MROH1: variants seen among roughly 807,000 people sequenced by gnomAD.
The protein encoded by MROH1 is maestro heat like repeat family member 1.
A neutral mutation model predicts 116.5 loss-of-function variants in MROH1; 117 were observed. The observed-to-expected ratio is 1.00, with a 90% CI of 0.86 to 1.17. The LOEUF is 1.17. Ranked by LOEUF, MROH1 falls within the 50% of genes most tolerant of loss-of-function variation. The pLI, the probability that MROH1 is intolerant of heterozygous loss-of-function variation, is 0.00. For synonymous variants in MROH1, 921 were observed against 583.9 expected (o/e 1.58, Z -8.32); for missense variants, 1,873 against 1,338.5 (o/e 1.40, Z -6.23).
At chr8:144,218,152 T>G (rs929053871) in intron 12 of MROH1, among the ~76,000 whole-genome samples, 3 of 152,186 alleles carry the variant, frequency 2.0e-5, no homozygotes, top group Non-Finnish European at 4.4e-5. Context: ...TAGTGTGGTG[T>G]GTGCTTGGGC....
intron 8 of MROH1, 123 bp from the exon 9 acceptor site, chr8:144,191,592 C>T: frequency 7.6e-7 from 1 of 1,312,044 alleles, no homozygotes. Context: ...ACGTCCCAGC[C>T]CCCGTAGCAC....
In MROH1 at chr8:144,220,611, G is replaced by T; in HGVS notation, c.1153G>T (p.Glu385Ter). 1 of 1,575,256 alleles carries T rather than the reference G, an allele frequency of 6.3e-7. No homozygotes were observed. Among genetic ancestry groups the T allele is most frequent in the Non-Finnish European group, 8.6e-7 (1 of 1,160,298 alleles). ...TTTGTTTCTTGCAGCTGCTCAGATG[G>T]AAGATAAAAAGCCCTTTATCCTGTC... ...HVINSAAAQM[E>*]DKKPFILSSM... Residue 385 changes from glutamate to a stop codon, truncating the protein, a stop_gained, in exon 13 of 44, where the codon GAA becomes TAA. Transcript: ENST00000326134. LOFTEE classifies it high-confidence loss of function.
At chr8:144,208,008 C>T (rs1208220066) in intron 12 of MROH1, among the ~76,000 whole-genome samples, 2 of 148,732 alleles carry the variant, frequency 1.3e-5, no homozygotes, top group South Asian at 4.2e-4. Flanking sequence ...TGCAGTGGTG[C>T]GATCTCAGCT....
chr8:144,187,654 T>G (rs1235601441), intron 7 of MROH1, among the ~76,000 whole-genome samples: 1 of 152,216 alleles, frequency 6.6e-6, no homozygotes, highest in African/African-American at 2.4e-5. Context: ...TCATCACAGA[T>G]TCTGGTGAGC....
At chr8:144,176,960 C>T (rs1394997157) in intron 4 of MROH1, among the ~76,000 whole-genome samples, 1 of 152,168 alleles carries the variant, frequency 6.6e-6, no homozygotes, top group Non-Finnish European at 1.5e-5. Context: ...TGATTCCCCA[C>T]CTGCCTCACT....
intron 36 of MROH1, 121 bp from the exon 37 acceptor site, chr8:144,259,119 T>C (rs1163064239): frequency 1.6e-5 from 11 of 689,898 alleles, no homozygotes; most frequent in Middle Eastern, 3.7e-4. Flanking sequence ...CTCTGAAACA[T>C]AGAACTCCCA....
At chr8:144,184,185 A>G (rs1826368585) in intron 7 of MROH1, among the ~76,000 whole-genome samples, 1 of 152,220 alleles carries the variant, frequency 6.6e-6, no homozygotes, top group South Asian at 2.1e-4. Context: ...CCTTAAGCTG[A>G]GACGTTAGCC....
rs545903409 is a variant in MROH1, at chr8:144,231,970, G to A, written c.1339-6786G>A. On this transcript the variant is annotated intron_variant, in intron 14 of 43. Coordinates refer to ENST00000326134, the MANE Select transcript of MROH1 (RefSeq NM_032450.3). ...TTAATACATTCATATTATGTGTAGA[G>A]ATCAAATCCAGGTAACTGGGATAGC... Among the ~76,000 whole-genome samples, 357 of 151,968 alleles carry A rather than the reference G, an allele frequency of 2.3e-3. 2 individuals are homozygous for A. The highest frequency in any genetic ancestry group is 8.4e-3 in the African/African-American group (346 of 41,424).
rs1475696008 is a variant in MROH1, at chr8:144,179,959, TCC to T, written c.301-218_301-217del. ...CTCTGCTGCTCCTGCGTGTGGGGTC[TCC>T]TCAGCAGCCCCTCACCTCTCACCAG... On this transcript the variant is annotated intron_variant, in intron 5 of 43. Coordinates refer to ENST00000326134, the MANE Select transcript of MROH1 (RefSeq NM_032450.3). 3.2e-4 allele frequency among the ~76,000 whole-genome samples: 5 copies of T among 15,716 alleles called. No homozygotes were observed. In the East Asian group the frequency reaches 0.051, roughly 160 times the overall value. 10.3% of individuals were successfully genotyped at this position (15,716 alleles called of 152,430 possible).
rs771640075 is a variant in MROH1 at position 144,161,037 on chromosome 8, C to T, written c.-109C>T. ...ATTCGCAGCTTCTCCAGGCCACCTG[C>T]ATTCCTTGTCTCAGAGCCTCCCTCC... On this transcript the variant is annotated 5_prime_UTR_variant, in exon 2 of 44. Transcript: ENST00000326134. 1 of 152,816 alleles carries T rather than the reference C, an allele frequency of 6.5e-6. No homozygotes were observed. Among genetic ancestry groups the T allele is most frequent in the Non-Finnish European group, 1.5e-5 (1 of 68,164 alleles). The allele number at this position is 152,816 out of a possible 1,614,324, so 9.5% of individuals were successfully genotyped here. A position where few individuals can be genotyped will look rare whatever the true frequency, so the allele number is the denominator to read the frequency against.
At chr8:144,158,285 G>T (rs1818667334) in intron 1 of MROH1, among the ~76,000 whole-genome samples, 1 of 151,778 alleles carries the variant, frequency 6.6e-6, no homozygotes, top group South Asian at 2.1e-4. Flanking sequence ...GAGCCACCAC[G>T]CCTGGCCAAT....
intron 12 of MROH1, among the ~76,000 whole-genome samples, chr8:144,215,515 C>T (rs1266665756): frequency 1.3e-5 from 2 of 152,158 alleles, no homozygotes; most frequent in Non-Finnish European, 2.9e-5. Flanking sequence ...GCAGAATGCC[C>T]CTCCTCCCTA....
Position 144,250,230 on chromosome 8 carries a change from G to A in MROH1, c.3292G>A (p.Val1098Ile), listed in dbSNP as rs1842632255. ...TCTACAGGTGCCCGAGATCGTGAGC[G>A]TCCTGCGCTCCAAGCTTCAGGAGGC... ...LQEKVPEIVSVLRSKLQEAQG... is the reference protein window; with the variant it reads ...LQEKVPEIVSILRSKLQEAQG... The change falls in exon 33 of 44, where the codon GTC becomes ATC. Residue 1098 changes from valine to isoleucine, a missense_variant. Coordinates refer to ENST00000326134, the MANE Select transcript of MROH1 (RefSeq NM_032450.3). The A allele has an allele frequency of 9.1e-6, 7 of 767,550 alleles. No homozygotes were observed. The highest frequency in any genetic ancestry group is 3.4e-5 in the Admixed American group (2 of 58,706). 47.5% of individuals were successfully genotyped at this position (767,550 alleles called of 1,614,324 possible).
chr8:144,163,755 A>G lies in MROH1; in HGVS notation c.-56-16A>G. 3 of 1,535,322 alleles carry G rather than the reference A, an allele frequency of 2.0e-6. No individual in the cohort carries two copies. Among genetic ancestry groups the G allele is most frequent in the Non-Finnish European group, 2.7e-6 (3 of 1,113,730 alleles). On this transcript the variant is annotated splice_polypyrimidine_tract_variant and intron_variant, in intron 2 of 43. Transcript: ENST00000326134. This position sits in a 1 kb window ranked among gnomAD's most constrained non-coding sequence, Gnocchi z 4.4. ...AGAGGCTTATGAATTAAATCTTGTG[A>G]TTTTGGTTATTCCAGATGGGAGAAG...
intron 7 of MROH1, among the ~76,000 whole-genome samples, chr8:144,188,416 C>T (rs1480697891): frequency 1.4e-5 from 2 of 143,464 alleles, no homozygotes; most frequent in Non-Finnish European, 3.0e-5. Context: ...GGGGGCCTCA[C>T]AGCAGCCCTG....
chr8:144,239,670 C>A lies in MROH1; in HGVS notation c.1689C>A (p.Leu563=). The A allele has an allele frequency of 1.3e-6, 1 of 758,630 alleles. No homozygotes were observed. Among genetic ancestry groups the A allele is most frequent in the East Asian group, 2.5e-5 (1 of 40,174 alleles). The allele number at this position is 758,630 out of a possible 1,614,324, so 47.0% of individuals were successfully genotyped here. A position where few individuals can be genotyped will look rare whatever the true frequency, so the allele number is the denominator to read the frequency against. The change falls in exon 18 of 44, where the codon CTC becomes CTA. Residue 563 remains leucine (L), a synonymous_variant. Transcript: ENST00000326134. ...GDGRGAAALR[L]LSVLHPNIHP... Reference sequence around the variant, plus strand: ...GACGTGGGGCAGCGGCGCTGCGCCTCCTCAGTGTTCTGCACCCAAACATTC... The same window carrying A: ...GACGTGGGGCAGCGGCGCTGCGCCTACTCAGTGTTCTGCACCCAAACATTC...
At chr8:144,196,564 C>T (rs1311625139) in intron 10 of MROH1, among the ~76,000 whole-genome samples, 1 of 151,340 alleles carries the variant, frequency 6.6e-6, no homozygotes, top group African/African-American at 2.4e-5. Context: ...ACTATTTTGG[C>T]CAGGCTGGTC....
chr8:144,258,031 A>G lies in MROH1; in HGVS notation c.3792-746A>G, dbSNP rs1241554735. Among the ~76,000 whole-genome samples the G allele has an allele frequency of 3.3e-5, 5 of 152,312 alleles. No individual in the cohort carries two copies. In the East Asian group the frequency reaches 9.7e-4, roughly 29 times the overall value. ...CACTACGCCCCACCCACTGGCAGCC[A>G]GGAGTGGAGCAGCCTCAGCAGGGAA... On this transcript the variant is annotated intron_variant, in intron 35 of 43. Coordinates refer to ENST00000326134, the MANE Select transcript of MROH1 (RefSeq NM_032450.3).
At chr8:144,247,726 G>A in intron 31 of MROH1, 47 bp downstream of exon 31, 1 of 715,990 alleles carries the variant, frequency 1.4e-6, no homozygotes, top group East Asian at 2.6e-5. Flanking sequence ...GGCACTGTCT[G>A]GGGCTAACAG....
Sources: allele counts gnomAD v4.1 joint callset (sites outside exome capture counted in the v4.1 genomes callset), GRCh38; gene constraint gnomAD v4.1.1; non-coding constraint Gnocchi (gnomAD v3.1); transcripts MANE v1.5; gene names NCBI Gene and HGNC (gene_info 2026-07-23, HGNC 2026-07-21).